NCKAP5: variants seen among roughly 807,000 people sequenced by gnomAD.
NCKAP5 encodes nck-associated protein 5.
A neutral mutation model predicts 167.0 loss-of-function variants in NCKAP5; 92 were observed. That is an observed-to-expected ratio of 0.55 (90% confidence interval 0.47 to 0.66). NCKAP5 has a LOEUF of 0.66. Ranked by LOEUF, NCKAP5 falls within the 30% of genes least tolerant of loss-of-function variation. NCKAP5 has a pLI of 0.00. For missense variants in NCKAP5, 2,378 were observed against 2,315.0 expected (o/e 1.03, Z -0.56); for synonymous variants, 891 against 877.4 (o/e 1.02, Z -0.27).
chr2:132,905,158 A>G (rs926865410), intron 8 of NCKAP5, among the ~76,000 whole-genome samples: 3 of 152,170 alleles, frequency 2.0e-5, no homozygotes, highest in Non-Finnish European at 4.4e-5. Context: ...ATGCTGTCAC[A>G]TAAGTATCTT....
chr2:133,039,292 C>T (rs2079137501), intron 6 of NCKAP5, among the ~76,000 whole-genome samples: 1 of 152,162 alleles, frequency 6.6e-6, no homozygotes, highest in Non-Finnish European at 1.5e-5. Context: ...TAATCTATTA[C>T]AAACTTCAAT....
At chr2:133,043,568 A>G (rs2079287851) in intron 6 of NCKAP5, among the ~76,000 whole-genome samples, 1 of 152,156 alleles carries the variant, frequency 6.6e-6, no homozygotes, top group Non-Finnish European at 1.5e-5. Flanking sequence ...AAAGCTTACA[A>G]ATTTGTACTG....
intron 6 of NCKAP5, among the ~76,000 whole-genome samples, chr2:133,054,691 G>T (rs1045503723): frequency 2.0e-5 from 3 of 152,196 alleles, no homozygotes; most frequent in African/African-American, 7.2e-5. Context: ...ACTAAAAAGT[G>T]CAAAGAGGAA....
chr2:133,152,433 G>A (rs1269067769), intron 5 of NCKAP5, among the ~76,000 whole-genome samples: 1 of 152,164 alleles, frequency 6.6e-6, no homozygotes. Context: ...CCTGTGAGAT[G>A]TACGCCGAAT....
intron 6 of NCKAP5, among the ~76,000 whole-genome samples, chr2:133,044,212 A>C (rs894516595): frequency 6.6e-6 from 1 of 152,212 alleles, no homozygotes; most frequent in Non-Finnish European, 1.5e-5. Flanking sequence ...GAATCGCAGA[A>C]GTACAAATAG....
intron 8 of NCKAP5, among the ~76,000 whole-genome samples, chr2:132,945,095 A>T (rs1414381199): frequency 6.6e-6 from 1 of 151,990 alleles, no homozygotes; most frequent in Non-Finnish European, 1.5e-5. Context: ...TGGCCAAGAC[A>T]CTCCACTGGG....
rs1559074602 is a variant in NCKAP5, at chr2:133,036,950, T to G, written c.342-42711A>C. On this transcript the variant is annotated intron_variant, in intron 6 of 19. Coordinates refer to ENST00000409261, the MANE Select transcript of NCKAP5 (RefSeq NM_207363.3). ...GGCTCCACAAGAACTCTATTAGAAC[T>G]GATAAATTCAGTAAAGTTGCAGGAT... 2.6e-5 allele frequency among the ~76,000 whole-genome samples: 4 copies of G among 152,084 alleles called. No individual in the cohort carries two copies. In the South Asian group the frequency reaches 6.2e-4, roughly 24 times the overall value.
chr2:132,962,124 G>A (rs911270834), intron 8 of NCKAP5, among the ~76,000 whole-genome samples: 7 of 152,026 alleles, frequency 4.6e-5, no homozygotes, highest in Non-Finnish European at 7.4e-5. Context: ...GTCTGCCTTC[G>A]GTCACACCTG....
chr2:133,349,642 CCA>C (rs1444984060), intron 3 of NCKAP5, among the ~76,000 whole-genome samples: 1 of 152,214 alleles, frequency 6.6e-6, no homozygotes, highest in African/African-American at 2.4e-5. Flanking sequence ...CTCATTTCTT[CCA>C]CTTTGAAACC....
chr2:132,843,095 T>C (rs1249823299), intron 11 of NCKAP5, among the ~76,000 whole-genome samples: 1 of 152,204 alleles, frequency 6.6e-6, no homozygotes, highest in South Asian at 2.1e-4. Context: ...TAAATTTTGC[T>C]AGGGTTTCCT....
chr2:133,129,081 T>C (rs1410483759), intron 6 of NCKAP5, among the ~76,000 whole-genome samples: 1 of 144,044 alleles, frequency 6.9e-6, no homozygotes, highest in African/African-American at 2.7e-5. Context: ...AATCTCATCC[T>C]TTTGGCTGGC....
At chr2:133,523,707 A>G (rs918558354) in intron 2 of NCKAP5, among the ~76,000 whole-genome samples, 75 of 152,192 alleles carry the variant, frequency 4.9e-4, no homozygotes, top group African/African-American at 1.7e-3. Context: ...TTGCAGCCTC[A>G]TAAACATCCC....
chr2:133,340,228 T>C (rs1683480871), intron 3 of NCKAP5, among the ~76,000 whole-genome samples: 1 of 152,232 alleles, frequency 6.6e-6, no homozygotes, highest in African/African-American at 2.4e-5. Context: ...AGCAATTTTT[T>C]TGTAGCTTGG....
chr2:133,658,080 C>T, the NCKAP5 span, among the ~76,000 whole-genome samples: 1 of 151,932 alleles, frequency 6.6e-6, no homozygotes, highest in Non-Finnish European at 1.5e-5. Context: ...TAACAGAGTT[C>T]ATCCACCCCA....
At chr2:133,126,342 T>C (rs1408024018) in intron 6 of NCKAP5, among the ~76,000 whole-genome samples, 1 of 152,202 alleles carries the variant, frequency 6.6e-6, no homozygotes, top group Non-Finnish European at 1.5e-5. Context: ...CAGCATCTTA[T>C]GCCTCTGTTT....
the NCKAP5 span, among the ~76,000 whole-genome samples, chr2:133,625,015 A>G: frequency 6.6e-6 from 1 of 152,324 alleles, no homozygotes; most frequent in Non-Finnish European, 1.5e-5. Context: ...AACTTTCACT[A>G]AACATCCTTA....
intron 11 of NCKAP5, among the ~76,000 whole-genome samples, chr2:132,829,393 G>A (rs561101865): frequency 2.0e-5 from 3 of 152,216 alleles, no homozygotes; most frequent in Admixed American, 1.3e-4. Flanking sequence ...AGTGGTAGCT[G>A]TTGTTATTAT....
At chr2:133,321,024 C>T (rs1178453836) in intron 3 of NCKAP5, among the ~76,000 whole-genome samples, 1 of 152,150 alleles carries the variant, frequency 6.6e-6, no homozygotes, top group Non-Finnish European at 1.5e-5. Context: ...TAGCCCTAAC[C>T]CCAGGAGTCG....
the NCKAP5 span, among the ~76,000 whole-genome samples, chr2:133,573,609 G>A: frequency 5.3e-5 from 8 of 152,180 alleles, no homozygotes. Context: ...TAAGGCACTG[G>A]AAGGCTCTTC....
Sources: gnomAD v4.1 joint callset for allele counts (sites outside exome capture counted in the v4.1 genomes callset) on GRCh38, gnomAD v4.1.1 for gene constraint, MANE v1.5 for transcripts, NCBI Gene and HGNC (gene_info 2026-07-23, HGNC 2026-07-21) for gene names.